Variants in HERC4 observed in about 807,000 individuals in gnomAD.
HERC4 encodes HECT and RLD domain containing E3 ubiquitin protein ligase 4.
Under a neutral mutation model 124.3 loss-of-function variants are expected in HERC4, and 28 were observed. The ratio of observed to expected loss-of-function variants is 0.23; its 90% CI spans 0.17 to 0.31. HERC4 has a LOEUF of 0.31. HERC4 is among the 10% of genes least tolerant of loss of function. The pLI, the probability that HERC4 is intolerant of heterozygous loss-of-function variation, is 1.00. For missense variants in HERC4, 713 were observed against 1,229.3 expected, an observed-to-expected ratio of 0.58 and a Z score of 6.28; for synonymous variants, 407 against 421.5, an observed-to-expected ratio of 0.97 and a Z score of 0.42.
intron 9 of HERC4, among the ~76,000 whole-genome samples, chr10:67,996,322 C>T (rs1247766518): frequency 6.6e-6 from 1 of 151,620 alleles, no homozygotes; most frequent in Non-Finnish European, 1.5e-5. Context: ...GACACCCCCC[C>T]TGCCCCACAA....
At chr10:67,930,764 C>CTT (rs2031712637) in intron 23 of HERC4, among the ~76,000 whole-genome samples, 1 of 152,218 alleles carries the variant, frequency 6.6e-6, no homozygotes, top group Non-Finnish European at 1.5e-5. Flanking sequence ...TTCTGTCACT[C>CTT]TGCCTCCCAG....
rs1406690646 is a variant in HERC4 at position 68,059,695 on chromosome 10, TTATAATATTATATATCATAATATTA to T, written c.226+13163_226+13187del. Among the ~76,000 whole-genome samples, 406 of 69,118 alleles carry T rather than the reference TTATAATATTATATATCATAATATTA, an allele frequency of 5.9e-3. 138 individuals are homozygous for T. Among genetic ancestry groups the T allele is most frequent in the African/African-American group, 0.038 (396 of 10,328 alleles). The allele number at this position is 69,118 out of a possible 152,430, so 45.3% of individuals were successfully genotyped here. A position where few individuals can be genotyped will look rare whatever the true frequency, so the allele number is the denominator to read the frequency against. On this transcript the variant is annotated intron_variant, in intron 3 of 24. Transcript: ENST00000373700. ...ATATTATATATCATAATATTATATA[TTATAATATTATATATCATAATATTA>T]TATATTATATATCATAATATTATAT...
chr10:67,964,528 CT>C (rs1367060322), intron 16 of HERC4, among the ~76,000 whole-genome samples: 4 of 152,250 alleles, frequency 2.6e-5, no homozygotes, highest in East Asian at 3.9e-4. Flanking sequence ...TTCCTCTCCC[CT>C]AATCTACTAA....
rs551539621 is a variant in HERC4 at position 68,009,514 on chromosome 10, G to A, written c.1069+4512C>T. ...CACTTTATTGCTAAAAAATGCTAAC[G>A]ATCAATTGAGGCTTTGCAAGTCTTA... On this transcript the variant is annotated intron_variant, in intron 9 of 24. Coordinates refer to ENST00000373700, the MANE Select transcript of HERC4 (RefSeq NM_015601.4). 7.9e-5 allele frequency among the ~76,000 whole-genome samples: 12 copies of A among 152,188 alleles called. No homozygotes were observed. The East Asian group carries it at 1.7e-3, about 22-fold the overall frequency.
intron 3 of HERC4, among the ~76,000 whole-genome samples, chr10:68,060,319 C>A (rs376377447): frequency 1.3e-5 from 2 of 152,004 alleles, no homozygotes; most frequent in East Asian, 3.9e-4. Flanking sequence ...TTCACTGCAA[C>A]CTCTGCTTCC....
At chr10:67,970,079 A>G (rs146373956) in intron 15 of HERC4, among the ~76,000 whole-genome samples, 166 of 152,298 alleles carry the variant, frequency 1.1e-3, no homozygotes, top group South Asian at 5.8e-3. Flanking sequence ...AATTCCTCCA[A>G]TGTTAGAGGC....
At chr10:68,037,584 T>C (rs983386440) in intron 5 of HERC4, among the ~76,000 whole-genome samples, 5 of 152,224 alleles carry the variant, frequency 3.3e-5, no homozygotes, top group African/African-American at 1.2e-4. Flanking sequence ...TAAATGAGAT[T>C]GGGGAAGCAA....
In HERC4 at chr10:68,020,147, C is replaced by G. The variant is rs1311918879; in HGVS notation, c.908+5399G>C. Among the ~76,000 whole-genome samples, 3 of 152,116 alleles carry G rather than the reference C, an allele frequency of 2.0e-5. No individual in the cohort carries two copies. The East Asian group carries it at 5.8e-4, about 29-fold the overall frequency. On this transcript the variant is annotated intron_variant, in intron 8 of 24. Coordinates refer to ENST00000373700, the MANE Select transcript of HERC4 (RefSeq NM_015601.4). ...TTTTATACCTCAGGGTGACTCCTGA[C>G]ACAGATAAAACCTACAATGATCAAA... is the stretch of plus-strand genomic sequence containing the variant.
intron 15 of HERC4, among the ~76,000 whole-genome samples, chr10:67,982,711 C>T (rs186488023): frequency 6.6e-6 from 1 of 152,136 alleles, no homozygotes; most frequent in African/African-American, 2.4e-5. Context: ...AATCATCTGA[C>T]AAGGGATTAA....
chr10:68,016,934 G>A (rs2038307575), intron 8 of HERC4, among the ~76,000 whole-genome samples: 2 of 152,090 alleles, frequency 1.3e-5, no homozygotes, highest in South Asian at 4.1e-4. Context: ...AATCATTTGT[G>A]ATACTTCACA....
At chr10:68,051,114 A>C (rs552136252) in intron 3 of HERC4, among the ~76,000 whole-genome samples, 23 of 151,686 alleles carry the variant, frequency 1.5e-4, no homozygotes, top group Non-Finnish European at 2.9e-4. Flanking sequence ...AAAAAAAAAA[A>C]AACAAAGAAA....
chr10:68,072,661 T>C (rs1407783377), intron 3 of HERC4, among the ~76,000 whole-genome samples: 2 of 151,908 alleles, frequency 1.3e-5, no homozygotes, highest in African/African-American at 2.4e-5. Context: ...TATATCGTCA[T>C]ACAAAATAAG....
chr10:67,935,500 T>C (rs1471875370), intron 22 of HERC4, among the ~76,000 whole-genome samples: 2 of 152,196 alleles, frequency 1.3e-5, no homozygotes, highest in African/African-American at 2.4e-5. Flanking sequence ...TCTTTCACTA[T>C]ACGGTACCAA....
Position 68,069,504 on chromosome 10 carries a change from A to G in HERC4, c.226+3379T>C, listed in dbSNP as rs570838905. The G allele has an allele frequency of 6.1e-6, 6 of 985,438 alleles. No homozygotes were observed. In the South Asian group the frequency reaches 1.9e-4, roughly 31 times the overall value. The allele number at this position is 985,438 out of a possible 1,614,324, so 61.0% of individuals were successfully genotyped here. Reference sequence around the variant, plus strand: ...GTTAAATCTTTCTGTGTGGTCCCTAAAAAGTCCAGAACAGAAACACCTCTT... The same window carrying G: ...GTTAAATCTTTCTGTGTGGTCCCTAGAAAGTCCAGAACAGAAACACCTCTT... On this transcript the variant is annotated intron_variant, in intron 3 of 24. Transcript: ENST00000373700.
intron 3 of HERC4, among the ~76,000 whole-genome samples, chr10:68,062,503 C>G (rs1026031933): frequency 2.0e-4 from 31 of 152,032 alleles, no homozygotes; most frequent in African/African-American, 7.0e-4. Flanking sequence ...GCCTGTAATC[C>G]CAGCACTTTG....
chr10:68,027,148 T>C (rs1430315321), intron 7 of HERC4, among the ~76,000 whole-genome samples: 2 of 152,260 alleles, frequency 1.3e-5, no homozygotes, highest in African/African-American at 4.8e-5. Flanking sequence ...TAACTGTAGC[T>C]ATATATGCAA....
chr10:68,049,602 A>C (rs912025448), intron 3 of HERC4, among the ~76,000 whole-genome samples: 3 of 150,490 alleles, frequency 2.0e-5, no homozygotes, highest in Non-Finnish European at 4.4e-5. Flanking sequence ...AAAAAAAAAA[A>C]AAAAAAAAAA....
intron 23 of HERC4, among the ~76,000 whole-genome samples, chr10:67,925,957 AC>A (rs2030877544): frequency 6.6e-6 from 1 of 152,198 alleles, no homozygotes; most frequent in African/African-American, 2.4e-5. Context: ...TCATGAGGGA[AC>A]CCTGAGCCCA....
chr10:67,999,327 A>G (rs1279932146), intron 9 of HERC4, among the ~76,000 whole-genome samples: 1 of 152,216 alleles, frequency 6.6e-6, no homozygotes, highest in Non-Finnish European at 1.5e-5. Flanking sequence ...ATCAGTAATA[A>G]ACTAGCCACA....
Sources: gnomAD v4.1 joint callset for allele counts (sites outside exome capture counted in the v4.1 genomes callset) on GRCh38, gnomAD v4.1.1 for gene constraint, MANE v1.5 for transcripts, NCBI Gene and HGNC (gene_info 2026-07-23, HGNC 2026-07-21) for gene names.